The following SIGLECL1 variants were observed in gnomAD, a reference collection of about 807,000 sequenced individuals.
The protein encoded by SIGLECL1 is SIGLEC family like 1.
In SIGLECL1, 16 loss-of-function variants were observed where a neutral mutation model predicts 19.1. That is an observed-to-expected ratio of 0.84 (90% confidence interval 0.57 to 1.27). SIGLECL1 has a LOEUF of 1.27. SIGLECL1 is among the 50% of genes most tolerant of loss of function. The pLI, the probability that SIGLECL1 is intolerant of heterozygous loss-of-function variation, is 0.00. For synonymous variants in SIGLECL1, 89 were observed against 90.4 expected (o/e 0.98, Z 0.09); for missense variants, 210 against 239.4 (o/e 0.88, Z 0.81).
At chr19:51,246,630 G>C (rs552103110), upstream of SIGLECL1, among the ~76,000 whole-genome samples, 1 of 152,144 alleles carries the variant, frequency 6.6e-6, no homozygotes, top group African/African-American at 2.4e-5. Context: ...ACAAAGGCTG[G>C]AATGTAACAA....
At chr19:51,260,859 G>A (rs1015980209) in intron 1 of SIGLECL1, among the ~76,000 whole-genome samples, 5 of 152,130 alleles carry the variant, frequency 3.3e-5, no homozygotes, top group East Asian at 1.9e-4. Context: ...TTCTGTAAAC[G>A]TTCTCTGTGT....
At chr19:51,249,807 G>C (rs1248572045), upstream of SIGLECL1, among the ~76,000 whole-genome samples, 4 of 152,186 alleles carry the variant, frequency 2.6e-5, no homozygotes, top group Non-Finnish European at 5.9e-5. Context: ...GAGTAACGTG[G>C]AAGCAAGTTT....
chr19:51,267,656 T>C, intron 5 of SIGLECL1, 127 bp downstream of exon 5: 1 of 1,103,604 alleles, frequency 9.1e-7, no homozygotes. Flanking sequence ...AATGCTAGAG[T>C]GTGCTTTCAG....
At chr19:51,250,325 C>A (rs1192681217), upstream of SIGLECL1, among the ~76,000 whole-genome samples, 1 of 152,186 alleles carries the variant, frequency 6.6e-6, no homozygotes, top group African/African-American at 2.4e-5. Context: ...CTCAGGTAAT[C>A]CGCCCGCCTC....
At chr19:51,255,438 T>G (rs561191235) in intron 1 of SIGLECL1, among the ~76,000 whole-genome samples, 1 of 152,254 alleles carries the variant, frequency 6.6e-6, no homozygotes, top group African/African-American at 2.4e-5. Flanking sequence ...AAAATTGACA[T>G]GCAAGATTGC....
At chr19:51,265,170 G>T (rs1156495368) in intron 2 of SIGLECL1, among the ~76,000 whole-genome samples, 198 bp from the exon 3 acceptor site, 1 of 152,194 alleles carries the variant, frequency 6.6e-6, no homozygotes, top group Admixed American at 6.5e-5. Flanking sequence ...CCCTCAAGAA[G>T]GTCTAGCGAT....
rs1197315412 is a variant in SIGLECL1, at chr19:51,263,733, G to A, written c.-190-150G>A. The A allele has an allele frequency of 9.2e-5, 17 of 185,328 alleles. No homozygotes were observed. In the East Asian group the frequency reaches 2.3e-3, roughly 25 times the overall value. 11.5% of individuals were successfully genotyped at this position (185,328 alleles called of 1,614,324 possible). A position where few individuals can be genotyped will look rare whatever the true frequency, so the allele number is the denominator to read the frequency against. On this transcript the variant is annotated intron_variant, in intron 1 of 5. Coordinates refer to ENST00000601727, the MANE Select transcript of SIGLECL1 (RefSeq NM_001385465.1). Reference sequence around the variant, plus strand: ...AGATCGAGCCACTGCACTCCAGCCTGGGCGACAGAGTAAGATTCCATCTCA... The same window carrying A: ...AGATCGAGCCACTGCACTCCAGCCTAGGCGACAGAGTAAGATTCCATCTCA...
rs1412138983 is a variant in SIGLECL1 at position 51,251,354 on chromosome 19, C to T, written c.-382C>T. The stretch of plus-strand genomic sequence containing the variant: ...TGGGGCAGCCGCAGGTCGGTTAGGC[C>T]ACCAGGGCGGCTCTCGTGCCAGTGA... On this transcript the variant is annotated 5_prime_UTR_variant, in exon 1 of 6. Coordinates refer to ENST00000601727, the MANE Select transcript of SIGLECL1 (RefSeq NM_001385465.1). The T allele has an allele frequency of 6.5e-6, 1 of 152,744 alleles. No homozygotes were observed. The highest frequency in any genetic ancestry group is 1.5e-5 in the Non-Finnish European group (1 of 68,222). The allele number at this position is 152,744 out of a possible 1,614,324, so 9.5% of individuals were successfully genotyped here. A position where few individuals can be genotyped will look rare whatever the true frequency, so the allele number is the denominator to read the frequency against.
chr19:51,250,733 A>G (rs996129192), upstream of SIGLECL1, among the ~76,000 whole-genome samples: 1 of 152,194 alleles, frequency 6.6e-6, no homozygotes, highest in African/African-American at 2.4e-5. Flanking sequence ...TTGGCCCACA[A>G]ACTACCCTGG....
intron 1 of SIGLECL1, among the ~76,000 whole-genome samples, chr19:51,254,074 T>C (rs1982653073): frequency 6.6e-6 from 1 of 152,146 alleles, no homozygotes; most frequent in African/African-American, 2.4e-5. Context: ...ATCCTAGCAC[T>C]TTGGGAGGCT....
chr19:51,259,742 G>T (rs1319011912), intron 1 of SIGLECL1, among the ~76,000 whole-genome samples: 1 of 152,198 alleles, frequency 6.6e-6, no homozygotes, highest in South Asian at 2.1e-4. Flanking sequence ...TAATAAAATG[G>T]AAATTGTTTA....
chr19:51,261,354 T>C (rs1402692784), intron 1 of SIGLECL1, among the ~76,000 whole-genome samples: 1 of 152,206 alleles, frequency 6.6e-6, no homozygotes, highest in African/African-American at 2.4e-5. Context: ...AGTGGCATGA[T>C]CTCGGCTCAC....
chr19:51,249,118 G>C (rs1982355912), upstream of SIGLECL1, among the ~76,000 whole-genome samples: 1 of 152,104 alleles, frequency 6.6e-6, no homozygotes, highest in Non-Finnish European at 1.5e-5. Flanking sequence ...TTATGGCCTA[G>C]GGTCTGGGGA....
intron 1 of SIGLECL1, among the ~76,000 whole-genome samples, chr19:51,258,503 T>C (rs1296976208): frequency 6.6e-6 from 1 of 152,230 alleles, no homozygotes; most frequent in Non-Finnish European, 1.5e-5. Context: ...ACCCACTGGA[T>C]GCATAAGGAA....
intron 1 of SIGLECL1, among the ~76,000 whole-genome samples, chr19:51,258,923 T>C (rs543420764): frequency 2.0e-5 from 3 of 152,240 alleles, no homozygotes; most frequent in Admixed American, 2.0e-4. Context: ...TTTGGAGGAA[T>C]TTTAGAAGCC....
chr19:51,252,142 C>A lies in SIGLECL1; in HGVS notation c.-191+597C>A, dbSNP rs141251983. Among the ~76,000 whole-genome samples, 761 of 151,934 alleles carry A rather than the reference C, an allele frequency of 5.0e-3. 6 individuals are homozygous for A. The highest frequency in any genetic ancestry group is 0.017 in the African/African-American group (713 of 41,462). On this transcript the variant is annotated intron_variant, in intron 1 of 5. Transcript: ENST00000601727. Reference sequence around the variant, plus strand: ...TGAAACCCCGTCTCTTCCAAAAATACAAAAATTAGATGGGCATCGTGGCCC... The same window carrying A: ...TGAAACCCCGTCTCTTCCAAAAATAAAAAAATTAGATGGGCATCGTGGCCC...
At chr19:51,260,526 T>C (rs1432523073) in intron 1 of SIGLECL1, among the ~76,000 whole-genome samples, 1 of 152,212 alleles carries the variant, frequency 6.6e-6, no homozygotes, top group Non-Finnish European at 1.5e-5. Context: ...TTTTAAATAA[T>C]ACCACTGTAA....
upstream of SIGLECL1, among the ~76,000 whole-genome samples, chr19:51,250,043 C>CT (rs1342478223): frequency 1.3e-5 from 2 of 151,542 alleles, no homozygotes; most frequent in East Asian, 3.9e-4. Context: ...CCAGAGGTCA[C>CT]TCTCATTGTC....
chr19:51,248,105 G>A (rs1025621069), upstream of SIGLECL1, among the ~76,000 whole-genome samples: 5 of 152,132 alleles, frequency 3.3e-5, no homozygotes, highest in Admixed American at 2.6e-4. Context: ...TGCAACCTGG[G>A]AGCTTGCATG....
Sources: allele counts gnomAD v4.1 joint callset (sites outside exome capture counted in the v4.1 genomes callset), GRCh38; gene constraint gnomAD v4.1.1; transcripts MANE v1.5; gene names NCBI Gene and HGNC (gene_info 2026-07-23, HGNC 2026-07-21).